Variants in NTRK3 observed in about 807,000 individuals in gnomAD.
NTRK3 encodes the protein neurotrophic receptor tyrosine kinase 3.
Under a neutral mutation model 91.7 loss-of-function variants are expected in NTRK3, and 24 were observed. The observed-to-expected ratio is 0.26, with a 90% CI of 0.19 to 0.37. NTRK3 has a LOEUF of 0.37. Ranked by LOEUF, NTRK3 falls within the 10% of genes least tolerant of loss-of-function variation. NTRK3 has a pLI of 1.00. For missense variants in NTRK3, 880 were observed against 1,068.9 expected, an observed-to-expected ratio of 0.82 and a Z score of 2.46; for synonymous variants, 483 against 404.0, an observed-to-expected ratio of 1.20 and a Z score of -2.34.
exon 19 of NTRK3, chr15:87,868,199 A>G (rs1446025287): frequency 4.4e-6 from 1 of 226,676 alleles, no homozygotes; most frequent in Non-Finnish European, 8.8e-6. Context: ...ACGAATAAGT[A>G]TCATAACATA....
At chr15:88,038,707 A>C (rs967703312) in intron 13 of NTRK3, among the ~76,000 whole-genome samples, 3 of 152,204 alleles carry the variant, frequency 2.0e-5, no homozygotes, top group Non-Finnish European at 4.4e-5. Context: ...TCTAAAAATA[A>C]AGTCTAAAAG....
intron 5 of NTRK3, among the ~76,000 whole-genome samples, chr15:88,165,059 A>T (rs181138913): frequency 5.3e-5 from 8 of 152,290 alleles, no homozygotes; most frequent in African/African-American, 1.9e-4. Flanking sequence ...ATTCTCAAGG[A>T]GCTGAGGATT....
chr15:88,057,617 G>A (rs577538715), intron 13 of NTRK3, among the ~76,000 whole-genome samples: 1 of 152,214 alleles, frequency 6.6e-6, no homozygotes, highest in Non-Finnish European at 1.5e-5. Context: ...GAGAGCAAAG[G>A]TCCTTCTACA....
intron 14 of NTRK3, among the ~76,000 whole-genome samples, chr15:88,026,706 T>C (rs950325090): frequency 4.6e-5 from 7 of 152,214 alleles, no homozygotes; most frequent in Non-Finnish European, 7.4e-5. Flanking sequence ...AAAATGTTAA[T>C]AATAGAGAAA....
At chr15:88,100,395 A>C (rs905168272) in intron 13 of NTRK3, among the ~76,000 whole-genome samples, 4 of 152,198 alleles carry the variant, frequency 2.6e-5, no homozygotes, top group African/African-American at 9.7e-5. Context: ...GGGGGGAACC[A>C]AGTATTACAT....
In NTRK3 at chr15:88,240,212, T is replaced by C. The variant is rs780561204; in HGVS notation, c.248+15694A>G. ...CCCATCCCGTCCCCAGCCACCGCCA[T>C]AGAAACATCACAAGTCAGAGCTGGA... is the stretch of plus-strand genomic sequence containing the variant. On this transcript the variant is annotated intron_variant, in intron 3 of 18. Coordinates refer to ENST00000394480, the Ensembl canonical transcript of NTRK3. This position sits in a 1 kb window ranked among gnomAD's most constrained non-coding sequence, Gnocchi z 4.9. 6.8e-6 allele frequency among the ~76,000 whole-genome samples: 1 copy of C among 147,622 alleles called. No individual in the cohort carries two copies.
intron 5 of NTRK3, among the ~76,000 whole-genome samples, chr15:88,160,537 A>G (rs760965970): frequency 1.3e-5 from 2 of 152,156 alleles, no homozygotes; most frequent in Non-Finnish European, 2.9e-5. Flanking sequence ...CCTTTTCCAG[A>G]GTAGATCCTG....
At chr15:88,100,155 G>A (rs2050022763) in intron 13 of NTRK3, among the ~76,000 whole-genome samples, 1 of 152,188 alleles carries the variant, frequency 6.6e-6, no homozygotes, top group Admixed American at 6.5e-5. Flanking sequence ...GCTGGCCCCA[G>A]TGCTGGCCAC....
At chr15:87,877,941 A>G (rs1004765854) in intron 18 of NTRK3, among the ~76,000 whole-genome samples, 1 of 152,194 alleles carries the variant, frequency 6.6e-6, no homozygotes, top group Non-Finnish European at 1.5e-5. Flanking sequence ...AAGGAGGAGT[A>G]GGAAGAAAAC....
At chr15:88,105,753 C>A (rs2050638069) in intron 13 of NTRK3, among the ~76,000 whole-genome samples, 1 of 152,162 alleles carries the variant, frequency 6.6e-6, no homozygotes, top group African/African-American at 2.4e-5. Flanking sequence ...CCTCTGAGAT[C>A]CCTAAAACTA....
chr15:88,110,389 C>T (rs548230395), intron 13 of NTRK3, among the ~76,000 whole-genome samples: 17 of 152,216 alleles, frequency 1.1e-4, no homozygotes, highest in South Asian at 4.1e-4. Flanking sequence ...CATTCTCCCC[C>T]AGAATATCCC....
chr15:88,035,148 T>A (rs1352347364), intron 13 of NTRK3, among the ~76,000 whole-genome samples: 3 of 151,136 alleles, frequency 2.0e-5, no homozygotes, highest in Non-Finnish European at 4.4e-5. Flanking sequence ...GAGGAAAGAG[T>A]TGAAGAAGAG....
intron 13 of NTRK3, among the ~76,000 whole-genome samples, chr15:88,063,510 T>C (rs2046391283): frequency 6.6e-6 from 1 of 152,236 alleles, no homozygotes; most frequent in South Asian, 2.1e-4. Flanking sequence ...GTCTCTCTGC[T>C]GTGATCGCAG....
Position 87,977,449 on chromosome 15 carries a change from A to G in NTRK3, c.1586-36696T>C, listed in dbSNP as rs1370699081. On this transcript the variant is annotated intron_variant, in intron 14 of 18. Coordinates refer to ENST00000394480, the Ensembl canonical transcript of NTRK3. ...TGTGGAAACACAACGCCCCATTGTC[A>G]TAGCACAAGGTGAGGAAAATGGCAG... 8 of 216,404 alleles carry G rather than the reference A, an allele frequency of 3.7e-5. No homozygotes were observed. In the East Asian group the frequency reaches 5.5e-4, roughly 15 times the overall value. The allele number at this position is 216,404 out of a possible 1,614,324, so 13.4% of individuals were successfully genotyped here.
At chr15:87,988,527 G>A (rs994304100) in intron 14 of NTRK3, among the ~76,000 whole-genome samples, 32 of 152,168 alleles carry the variant, frequency 2.1e-4, no homozygotes, top group African/African-American at 7.7e-4. Flanking sequence ...AGATATAAGG[G>A]AATGCTCGGT....
chr15:88,014,620 A>C (rs933868555), intron 14 of NTRK3, among the ~76,000 whole-genome samples: 4 of 152,194 alleles, frequency 2.6e-5, no homozygotes, highest in Non-Finnish European at 4.4e-5. Flanking sequence ...ACTGCAACTA[A>C]CTGGTGATAA....
At chr15:88,231,124 G>A (rs542525196) in intron 3 of NTRK3, among the ~76,000 whole-genome samples, 1 of 152,152 alleles carries the variant, frequency 6.6e-6, no homozygotes, top group East Asian at 1.9e-4. Context: ...AACTCAACGT[G>A]TTCCAAACAG....
intron 3 of NTRK3, among the ~76,000 whole-genome samples, chr15:88,231,340 C>G (rs2051162018): frequency 6.6e-6 from 1 of 152,082 alleles, no homozygotes; most frequent in Non-Finnish European, 1.5e-5. Context: ...ATCACCCATC[C>G]AGAGCTATTG....
chr15:88,105,131 A>C (rs960695074), intron 13 of NTRK3, among the ~76,000 whole-genome samples: 1 of 152,166 alleles, frequency 6.6e-6, no homozygotes, highest in Non-Finnish European at 1.5e-5. Context: ...AATTCAAACT[A>C]AACTACACCT....
Sources: allele counts gnomAD v4.1 joint callset (sites outside exome capture counted in the v4.1 genomes callset), GRCh38; gene constraint gnomAD v4.1.1; non-coding constraint Gnocchi (gnomAD v3.1); transcripts MANE v1.5; gene names NCBI Gene and HGNC (gene_info 2026-07-23, HGNC 2026-07-21).